The following PLXNA3 variants were observed in gnomAD, a reference collection of about 807,000 sequenced individuals.
PLXNA3 encodes the protein plexin-A3.
Under a neutral mutation model 118.8 loss-of-function variants are expected in PLXNA3, and 52 were observed. That is an observed-to-expected ratio of 0.44 (90% CI 0.35 to 0.55). The LOEUF is 0.55. PLXNA3 is among the 20% of genes least tolerant of loss of function. PLXNA3 has a pLI of 0.01. For missense variants in PLXNA3, 1,660 were observed against 1,730.8 expected (o/e 0.96, Z 0.73); for synonymous variants, 925 against 762.4 (o/e 1.21, Z -3.51).
chrX:154,464,619 A>G (rs2069044416), intron 9 of PLXNA3, 118 bp downstream of exon 9: 4 of 692,607 alleles, frequency 5.8e-6, no homozygotes, highest in Non-Finnish European at 8.7e-6. Context: ...AGGCCCTGAT[A>G]GCCCCTGACA....
chrX:154,462,333 T>G (rs1345966148), intron 4 of PLXNA3, 23 bp downstream of exon 4: 14 of 1,098,315 alleles, frequency 1.3e-5, no homozygotes, highest in Non-Finnish European at 1.7e-5. Context: ...GCCCTGGGCA[T>G]GTGGGGGTGG....
chrX:154,460,084 G>A, intron 1 of PLXNA3, 73 bp from the exon 2 acceptor site: 1 of 564,805 alleles, frequency 1.8e-6, no homozygotes, highest in Middle Eastern at 5.5e-4. Context: ...TGGGGCTTTG[G>A]CGGGGTGGTG....
rs782189650 is a variant in PLXNA3 at position 154,467,309 on chromosome X, G to T, written c.3279G>T (p.Ala1093=). ...TTCTTGGGCGGCCCCAGCCTCGGGC[G>T]CAAGGCGAGCACCCTGATGAGTTTG... The part of the protein sequence containing the change: ...GIFLGRPQPR[A]QGEHPDEFGF... Residue 1093 remains alanine (A), a synonymous_variant, in exon 19 of 33, where the codon GCG becomes GCT. Coordinates refer to ENST00000369682, the MANE Select transcript of PLXNA3 (RefSeq NM_017514.5). 6 of 1,207,604 alleles carry T rather than the reference G, an allele frequency of 5.0e-6. No homozygotes were observed. Among genetic ancestry groups the T allele is most frequent in the Non-Finnish European group, 6.7e-6 (6 of 895,358 alleles).
chrX:154,459,579 G>C (rs1352280256), intron 1 of PLXNA3, among the ~76,000 whole-genome samples: 2 of 112,466 alleles, frequency 1.8e-5, no homozygotes, highest in Non-Finnish European at 3.8e-5. Context: ...GTGTTGCATC[G>C]GGGAGGCCAG....
rs1307280510 is a variant in PLXNA3, at chrX:154,476,159, TAAAAAAC to T, written c.*3479_*3485del. The stretch of plus-strand genomic sequence containing the variant: ...CTGTATCAAAAAAAATAATAATAAT[TAAAAAAC>T]AAAAGATCGGCTGGGCGCGGTGGCT... On this transcript the variant is annotated 3_prime_UTR_variant, in exon 33 of 33. Transcript: ENST00000369682. 9.1e-6 allele frequency: 1 copy of T among 110,450 alleles called. No homozygotes were observed. The highest frequency in any genetic ancestry group is 9.6e-5 in the Admixed American group (1 of 10,449). 9.1% of individuals were successfully genotyped at this position (110,450 alleles called of 1,213,427 possible). A position where few individuals can be genotyped will look rare whatever the true frequency, so the allele number is the denominator to read the frequency against.
At chrX:154,462,626 G>A (rs1217146289) in intron 4 of PLXNA3, among the ~76,000 whole-genome samples, 2 of 111,975 alleles carry the variant, frequency 1.8e-5, no homozygotes, top group Non-Finnish European at 3.8e-5. Flanking sequence ...AGCATTGCTG[G>A]GTCCTCTGTT....
At position 154,461,788 on chromosome X, in the gene PLXNA3, G is replaced by A. The variant is rs187716284; in HGVS notation, c.1134+150G>A. 947 of 551,998 alleles carry A rather than the reference G, an allele frequency of 1.7e-3. 2 individuals are homozygous for A. Among genetic ancestry groups the A allele is most frequent in the Admixed American group, 2.6e-3 (72 of 27,433 alleles). 45.5% of individuals were successfully genotyped at this position (551,998 alleles called of 1,213,427 possible). A position where few individuals can be genotyped will look rare whatever the true frequency, so the allele number is the denominator to read the frequency against. ...CTCCCACCTGTTTCTCCCTCCCAGGGGTCCCTGCCCTCTCCTTGCCTCTCT... is the reference window on the plus strand; with the variant it reads ...CTCCCACCTGTTTCTCCCTCCCAGGAGTCCCTGCCCTCTCCTTGCCTCTCT... On this transcript the variant is annotated intron_variant, in intron 3 of 32. Transcript: ENST00000369682.
chrX:154,467,454 T>TC lies in PLXNA3; in HGVS notation c.3427dup (p.His1143ProfsTer142). The TC allele has an allele frequency of 1.9e-6, 2 of 1,075,510 alleles. No homozygotes were observed. Among genetic ancestry groups the TC allele is most frequent in the Non-Finnish European group, 2.5e-6 (2 of 807,751 alleles). The allele number at this position is 1,075,510 out of a possible 1,213,427, so 88.6% of individuals were successfully genotyped here. ...TGGCGTGCTGGACGTCAAACCGGGC[T>TC]CCCACGTGGTGCTGAAGGTGCGGGC... On this transcript the variant is annotated frameshift_variant, in exon 19 of 33. Transcript: ENST00000369682. LOFTEE classifies it high-confidence loss of function.
chrX:154,467,168 C>A lies in PLXNA3; in HGVS notation c.3201+18C>A. Reference sequence around the variant, plus strand: ...CCACCAATGTGAGTACCAGCTGCCCCGCCCCACCCCGACCCTGCAGCCCAT... The same window carrying A: ...CCACCAATGTGAGTACCAGCTGCCCAGCCCCACCCCGACCCTGCAGCCCAT... On this transcript the variant is annotated intron_variant, in intron 18 of 32. Coordinates refer to ENST00000369682, the MANE Select transcript of PLXNA3 (RefSeq NM_017514.5). 3 of 1,207,598 alleles carry A rather than the reference C, an allele frequency of 2.5e-6. No individual in the cohort carries two copies. Among genetic ancestry groups the A allele is most frequent in the Non-Finnish European group, 3.4e-6 (3 of 892,571 alleles).
At chrX:154,470,667 C>T (rs1273013728) in intron 30 of PLXNA3, 56 bp downstream of exon 30, 16 of 1,099,454 alleles carry the variant, frequency 1.5e-5, no homozygotes, top group African/African-American at 1.1e-4. Context: ...GGGCGGAAGA[C>T]GCTGGTGGCT....
rs373141184 is a variant in PLXNA3 at position 154,466,204 on chromosome X, G to A, written c.2733G>A (p.Val911=). The A allele has an allele frequency of 2.5e-6, 3 of 1,208,192 alleles. No homozygotes were observed. The highest frequency in any genetic ancestry group is 3.4e-6 in the Non-Finnish European group (3 of 895,103). ...SLVPSPPPGP[V]ELCVGDCSAD... is the part of the protein sequence containing the mutation. The stretch of plus-strand genomic sequence containing the variant: ...TGCCCAGCCCGCCGCCGGGGCCCGT[G>A]GAGCTGTGTGTGGGTGACTGTTCAG... Residue 911 remains valine (V), a synonymous_variant, in exon 15 of 33, where the codon GTG becomes GTA. Coordinates refer to ENST00000369682, the MANE Select transcript of PLXNA3 (RefSeq NM_017514.5).
chrX:154,472,821 GC>G lies in PLXNA3; in HGVS notation c.*141del, dbSNP rs1387880404. On this transcript the variant is annotated 3_prime_UTR_variant, in exon 33 of 33. Transcript: ENST00000369682. ...TGGGGCAGGTCACCCTGGCCACGATGCCCCCGGCACACCCAGGCCCCCTTCA... is the reference window on the plus strand; with the variant it reads ...TGGGGCAGGTCACCCTGGCCACGATGCCCCGGCACACCCAGGCCCCCTTCA... 1.3e-5 allele frequency: 6 copies of G among 474,796 alleles called. No homozygotes were observed. Among genetic ancestry groups the G allele is most frequent in the Non-Finnish European group, 1.9e-5 (5 of 263,076 alleles). The allele number at this position is 474,796 out of a possible 1,213,427, so 39.1% of individuals were successfully genotyped here. A position where few individuals can be genotyped will look rare whatever the true frequency, so the allele number is the denominator to read the frequency against.
rs1431040248 is a variant in PLXNA3 at position 154,473,408 on chromosome X, G to A, written c.*723G>A. On this transcript the variant is annotated 3_prime_UTR_variant, in exon 33 of 33. Transcript: ENST00000369682. ...CTGAGCCTACTGCCAAACGTCCTCAGTGTTGTCTGCACCTGCTCCGACTCC... is the reference window on the plus strand; with the variant it reads ...CTGAGCCTACTGCCAAACGTCCTCAATGTTGTCTGCACCTGCTCCGACTCC... 1 of 113,146 alleles carries A rather than the reference G, an allele frequency of 8.8e-6. No homozygotes were observed. Among genetic ancestry groups the A allele is most frequent in the Non-Finnish European group, 1.9e-5 (1 of 53,389 alleles). 9.3% of individuals were successfully genotyped at this position (113,146 alleles called of 1,213,427 possible).
At chrX:154,459,121 T>A (rs997025846) in intron 1 of PLXNA3, among the ~76,000 whole-genome samples, 51 of 110,462 alleles carry the variant, frequency 4.6e-4, no homozygotes, top group Non-Finnish European at 7.8e-4. Context: ...TTTTCCTTTC[T>A]CTCTCCTGTG....
chrX:154,467,482 G>T lies in PLXNA3; in HGVS notation c.3441+11G>T. 1 of 1,156,405 alleles carries T rather than the reference G, an allele frequency of 8.6e-7. No individual in the cohort carries two copies. The highest frequency in any genetic ancestry group is 1.2e-6 in the Non-Finnish European group (1 of 869,470). On this transcript the variant is annotated intron_variant, in intron 19 of 32. Transcript: ENST00000369682. ...CACGTGGTGCTGAAGGTGCGGGCGGGGTGGGGGCGGGGAGGGGCGGGAAAG... is the reference window on the plus strand; with the variant it reads ...CACGTGGTGCTGAAGGTGCGGGCGGTGTGGGGGCGGGGAGGGGCGGGAAAG...
rs2069114486 is a variant in PLXNA3 at position 154,467,803 on chromosome X, C to T, written c.3622C>T (p.Leu1208=). 2.5e-6 allele frequency: 3 copies of T among 1,203,318 alleles called. No individual in the cohort carries two copies. The highest frequency in any genetic ancestry group is 3.4e-6 in the Non-Finnish European group (3 of 894,328). Residue 1208 remains leucine, a synonymous_variant, in exon 21 of 33, where the codon CTG becomes TTG. Transcript: ENST00000369682. ...TGGCCTGGAGTTCTGGCTGGGCACC[C>T]TGCACATCTCGGCAGAGCGGGCGCT... ...VGGLEFWLGT[L]HISAERALTL... is the part of the protein sequence containing the mutation.
chrX:154,465,218 G>A lies in PLXNA3; in HGVS notation c.2244G>A (p.Ser748=), dbSNP rs782255076. The change falls in exon 11 of 33, where the codon TCG becomes TCA. Residue 748 remains serine (S), a splice_region_variant and synonymous_variant. Coordinates refer to ENST00000369682, the MANE Select transcript of PLXNA3 (RefSeq NM_017514.5). ...GCAGTGTGCAGTGCCAGAACGCCTC[G>A]GTGAGGTCCCACCCGCTGCCTCCCT... ...NSSSVQCQNA[S]YSYEGDEHGD... is the part of the protein sequence containing the mutation. 5.8e-6 allele frequency: 7 copies of A among 1,201,702 alleles called. No individual in the cohort carries two copies. Among genetic ancestry groups the A allele is most frequent in the Non-Finnish European group, 5.6e-6 (5 of 890,277 alleles).
At chrX:154,462,042 G>A (rs191889762) in intron 3 of PLXNA3, 86 bp from the exon 4 acceptor site, 1,056 of 807,752 alleles carry the variant, frequency 1.3e-3, no homozygotes, top group African/African-American at 1.8e-3. Flanking sequence ...TCTAGATCCC[G>A]CTCTCTTCTG....
In PLXNA3 at chrX:154,473,212, A is replaced by G. The variant is rs2069208504; in HGVS notation, c.*527A>G. 8.9e-6 allele frequency: 1 copy of G among 112,550 alleles called. No individual in the cohort carries two copies. Among genetic ancestry groups the G allele is most frequent in the Admixed American group, 9.2e-5 (1 of 10,828 alleles). The allele number at this position is 112,550 out of a possible 1,213,427, so 9.3% of individuals were successfully genotyped here. ...AAGGCGGGGTCACGGTACCAGCAGC[A>G]CTTGGGGTGAGGCCTCCAAAGCTTC... On this transcript the variant is annotated 3_prime_UTR_variant, in exon 33 of 33. Coordinates refer to ENST00000369682, the MANE Select transcript of PLXNA3 (RefSeq NM_017514.5).
Sources: allele counts gnomAD v4.1 joint callset (sites outside exome capture counted in the v4.1 genomes callset), GRCh38; gene constraint gnomAD v4.1.1; transcripts MANE v1.5; gene names NCBI Gene and HGNC (gene_info 2026-07-23, HGNC 2026-07-21).